RGS17: variants seen among roughly 807,000 people sequenced by gnomAD.
RGS17 encodes regulator of G-protein signaling 17.
In RGS17, 12 loss-of-function variants were observed where a neutral mutation model predicts 25.5. That is an observed-to-expected ratio of 0.47 (90% CI 0.30 to 0.76). The LOEUF (loss-of-function observed/expected upper bound fraction) is 0.76, where lower values mean the gene tolerates loss of function less well. Among genes scored for constraint, RGS17 ranks in the 30% least tolerant of loss-of-function variants. RGS17 has a pLI of 0.07. For missense variants in RGS17, 196 were observed against 242.2 expected, an observed-to-expected ratio of 0.81 and a Z score of 1.27; for synonymous variants, 71 against 76.9, an observed-to-expected ratio of 0.92 and a Z score of 0.40.
intron 4 of RGS17, among the ~76,000 whole-genome samples, chr6:153,017,817 G>T (rs1420215930): frequency 6.6e-6 from 1 of 151,970 alleles, no homozygotes; most frequent in African/African-American, 2.4e-5. Context: ...GTAAAATTCT[G>T]ATTAATTTTT....
intron 4 of RGS17, among the ~76,000 whole-genome samples, chr6:153,016,022 T>C (rs750880708): frequency 6.6e-6 from 1 of 152,216 alleles, no homozygotes; most frequent in Non-Finnish European, 1.5e-5. Context: ...TTTGCTTTAT[T>C]GTGGTTGTCT....
chr6:153,099,926 T>C (rs1388324042), intron 1 of RGS17, among the ~76,000 whole-genome samples: 2 of 152,204 alleles, frequency 1.3e-5, no homozygotes, highest in Non-Finnish European at 2.9e-5. Flanking sequence ...ATCTATAGCT[T>C]GTTATATGAG....
intron 1 of RGS17, among the ~76,000 whole-genome samples, chr6:153,116,698 G>C (rs550267092): frequency 6.6e-6 from 1 of 152,234 alleles, no homozygotes; most frequent in South Asian, 2.1e-4. Flanking sequence ...TGACAGACTG[G>C]ATAAAGAAAA....
chr6:153,120,679 T>C (rs1356932166), intron 1 of RGS17, among the ~76,000 whole-genome samples: 1 of 152,208 alleles, frequency 6.6e-6, no homozygotes, highest in Non-Finnish European at 1.5e-5. Context: ...AAATTCCACC[T>C]TTTTACTCTG....
chr6:153,017,573 T>G (rs1779197578), intron 4 of RGS17, among the ~76,000 whole-genome samples: 2 of 152,152 alleles, frequency 1.3e-5, no homozygotes, highest in Admixed American at 6.5e-5. Flanking sequence ...CACCCTGCCT[T>G]TTTATTCCAG....
chr6:153,044,091 T>C, intron 1 of RGS17, 48 bp from the exon 2 acceptor site: 1 of 871,070 alleles, frequency 1.1e-6, no homozygotes, highest in Non-Finnish European at 1.9e-6. Flanking sequence ...GCAATAAGGA[T>C]AAGTTGCGTA....
At chr6:153,060,911 T>C (rs1191898174) in intron 1 of RGS17, among the ~76,000 whole-genome samples, 1 of 152,160 alleles carries the variant, frequency 6.6e-6, no homozygotes, top group Non-Finnish European at 1.5e-5. Context: ...GAATGCCATG[T>C]GATAAGAAGC....
intron 2 of RGS17, among the ~76,000 whole-genome samples, chr6:153,036,029 A>G (rs1335713281): frequency 6.6e-6 from 1 of 151,964 alleles, no homozygotes; most frequent in Non-Finnish European, 1.5e-5. Context: ...GAAACTCTCA[A>G]TTCTCTTGGC....
rs1294021289 is a variant in RGS17 at position 153,005,457 on chromosome 6, G to A, written c.*6117C>T. On this transcript the variant is annotated 3_prime_UTR_variant, in exon 5 of 5. Transcript: ENST00000206262. ...CCTTCAATATAATCTCTTTAAAAAC[G>A]CATTACTTTACAGTGGAGAAATATA... is the stretch of plus-strand genomic sequence containing the variant. 6.6e-6 allele frequency: 1 copy of A among 152,070 alleles called. No individual in the cohort carries two copies. The highest frequency in any genetic ancestry group is 2.4e-5 in the African/African-American group (1 of 41,390). The allele number at this position is 152,070 out of a possible 1,614,324, so 9.4% of individuals were successfully genotyped here. A position where few individuals can be genotyped will look rare whatever the true frequency, so the allele number is the denominator to read the frequency against.
intron 4 of RGS17, among the ~76,000 whole-genome samples, chr6:153,018,440 C>T (rs933281729): frequency 2.0e-5 from 3 of 152,072 alleles, no homozygotes; most frequent in East Asian, 1.9e-4. Flanking sequence ...CATCGGTCCT[C>T]GTGGCTGAAA....
intron 1 of RGS17, among the ~76,000 whole-genome samples, chr6:153,126,062 A>G (rs1475781093): frequency 6.6e-6 from 1 of 152,032 alleles, no homozygotes; most frequent in Non-Finnish European, 1.5e-5. Flanking sequence ...TACTTTTAAC[A>G]TGTGTAAATT....
intron 1 of RGS17, among the ~76,000 whole-genome samples, chr6:153,093,970 A>G (rs1055247839): frequency 6.6e-6 from 1 of 152,152 alleles, no homozygotes; most frequent in African/African-American, 2.4e-5. Context: ...AAATGTCACA[A>G]TGTATATGAA....
At chr6:153,015,678 T>C (rs77532728) in intron 4 of RGS17, among the ~76,000 whole-genome samples, 113 of 151,924 alleles carry the variant, frequency 7.4e-4, no homozygotes, top group Non-Finnish European at 1.2e-3. Flanking sequence ...TTTTTTTTTT[T>C]AGTCTCGCTC....
intron 1 of RGS17, among the ~76,000 whole-genome samples, chr6:153,053,966 T>C (rs762350063): frequency 0.15 from 8,986 of 58,794 alleles, 2,115 homozygotes; most frequent in African/African-American, 0.3. Context: ...ATATATTATA[T>C]ACATATATAT....
chr6:153,044,607 C>G (rs1235729217), intron 1 of RGS17, among the ~76,000 whole-genome samples: 1 of 152,178 alleles, frequency 6.6e-6, no homozygotes, highest in Non-Finnish European at 1.5e-5. Context: ...AATAACATTA[C>G]CAAAAGGCCT....
intron 1 of RGS17, among the ~76,000 whole-genome samples, chr6:153,107,178 C>G (rs1430280310): frequency 4.0e-5 from 6 of 151,236 alleles, no homozygotes; most frequent in African/African-American, 1.5e-4. Context: ...ACTCAATAAA[C>G]AAAAATTAGC....
At chr6:153,123,808 G>C (rs1777670274) in intron 1 of RGS17, among the ~76,000 whole-genome samples, 2 of 152,190 alleles carry the variant, frequency 1.3e-5, no homozygotes, top group Admixed American at 1.3e-4. Flanking sequence ...CCCTACACCA[G>C]CGTTTTAGAA....
Position 153,083,900 on chromosome 6 carries a change from CA to C in RGS17, c.-25-39858del, listed in dbSNP as rs577240461. Among the ~76,000 whole-genome samples the C allele has an allele frequency of 1.2e-4, 19 of 152,296 alleles. No homozygotes were observed. In the East Asian group the frequency reaches 3.7e-3, roughly 29 times the overall value. ...TAAAGGGCTTATTTTTGAAGACATA[CA>C]CACACCTATAAAATATGCATAAATA... On this transcript the variant is annotated intron_variant, in intron 1 of 4. Transcript: ENST00000206262.
chr6:153,099,194 C>T (rs1777259996), intron 1 of RGS17, among the ~76,000 whole-genome samples: 1 of 152,226 alleles, frequency 6.6e-6, no homozygotes, highest in African/African-American at 2.4e-5. Context: ...CATCTACTCA[C>T]TCTGCACATA....
Sources: gnomAD v4.1 joint callset for allele counts (sites outside exome capture counted in the v4.1 genomes callset) on GRCh38, gnomAD v4.1.1 for gene constraint, MANE v1.5 for transcripts, NCBI Gene and HGNC (gene_info 2026-07-23, HGNC 2026-07-21) for gene names.